The following FBP1 variants were observed in gnomAD, a reference collection of about 807,000 sequenced individuals.
The protein encoded by FBP1 is fructose-bisphosphatase 1.
FBP1 carries 22 observed loss-of-function variants against 29.9 expected under a neutral mutation model. The ratio of observed to expected loss-of-function variants is 0.74; its 90% CI spans 0.53 to 1.05. The LOEUF is 1.05. Among genes scored for constraint, FBP1 ranks in the 50% least tolerant of loss-of-function variants. The pLI is 0.00. For synonymous variants in FBP1, 175 were observed against 178.6 expected (o/e 0.98, Z 0.16); for missense variants, 345 against 448.2 (o/e 0.77, Z 2.08).
intron 1 of FBP1, 110 bp downstream of exon 1, chr9:94,639,031 G>C (rs1174257668): frequency 1.8e-6 from 2 of 1,099,512 alleles, no homozygotes; most frequent in African/African-American, 1.5e-5. Context: ...ACATCAGACG[G>C]ACAGACAGAG....
At chr9:94,636,316 CA>C (rs1828189562) in intron 1 of FBP1, among the ~76,000 whole-genome samples, 1 of 151,754 alleles carries the variant, frequency 6.6e-6, no homozygotes, top group Non-Finnish European at 1.5e-5. Flanking sequence ...CCCATCTCTA[CA>C]AAAACACAAA....
intron 1 of FBP1, among the ~76,000 whole-genome samples, chr9:94,638,334 A>C (rs1032891146): frequency 1.3e-5 from 2 of 152,194 alleles, no homozygotes; most frequent in African/African-American, 4.8e-5. Flanking sequence ...AGGAGGGCAC[A>C]CATCTTACCA....
At chr9:94,619,950 G>A (rs1450696892) in intron 2 of FBP1, among the ~76,000 whole-genome samples, 1 of 150,774 alleles carries the variant, frequency 6.6e-6, no homozygotes, top group African/African-American at 2.5e-5. Context: ...ATCAGGGATG[G>A]AAGTTTCAAG....
intron 1 of FBP1, among the ~76,000 whole-genome samples, chr9:94,631,097 G>A (rs1190736335): frequency 6.6e-6 from 1 of 152,186 alleles, no homozygotes; most frequent in Non-Finnish European, 1.5e-5. Flanking sequence ...ATTTATTTGA[G>A]ATGTTCTTGA....
intron 1 of FBP1, among the ~76,000 whole-genome samples, chr9:94,633,897 G>A (rs1225969716): frequency 6.6e-6 from 1 of 151,292 alleles, no homozygotes; most frequent in Non-Finnish European, 1.5e-5. Flanking sequence ...TGGTAGAGAC[G>A]GGGTTTCACC....
intron 1 of FBP1, among the ~76,000 whole-genome samples, chr9:94,621,795 A>G (rs2131491372): frequency 6.6e-6 from 1 of 152,316 alleles, no homozygotes; most frequent in South Asian, 2.1e-4. Context: ...AGACCCAGCA[A>G]GCAAGGAAGC....
Position 94,620,605 on chromosome 9 carries a change from C to T in FBP1, c.171-114G>A, listed in dbSNP as rs533395387. 127 of 1,027,098 alleles carry T rather than the reference C, an allele frequency of 1.2e-4. 1 individual carries two copies. Among genetic ancestry groups the T allele is most frequent in the Middle Eastern group, 6.1e-4 (3 of 4,952 alleles). The allele number at this position is 1,027,098 out of a possible 1,614,324, so 63.6% of individuals were successfully genotyped here. ...AAGATTTAGAAGAAAGAGTTCATGT[C>T]CTTTGCAGGGACATGGATGAAGCTG... On this transcript the variant is annotated intron_variant, in intron 1 of 6. Transcript: ENST00000375326.
At chr9:94,621,398 A>AAAAAATATAT (rs58726402) in intron 1 of FBP1, among the ~76,000 whole-genome samples, 48,560 of 145,448 alleles carry the variant, frequency 0.33, 9,019 homozygotes, top group East Asian at 0.75. Flanking sequence ...TCCGTCTAAA[A>AAAAAATATAT]ATATATATAT....
At chr9:94,625,647 T>C (rs1225247547) in intron 1 of FBP1, among the ~76,000 whole-genome samples, 1 of 152,126 alleles carries the variant, frequency 6.6e-6, no homozygotes, top group Non-Finnish European at 1.5e-5. Context: ...TACAAAAAAT[T>C]AGCCGGGGAC....
At position 94,637,817 on chromosome 9, in the gene FBP1, G is replaced by A. The variant is rs28402376; in HGVS notation, c.170+1324C>T. On this transcript the variant is annotated intron_variant, in intron 1 of 6. Coordinates refer to ENST00000375326, the MANE Select transcript of FBP1 (RefSeq NM_000507.4). Reference sequence around the variant, plus strand: ...AGTTAGCTAGAAAATACCTGCGCACGGCGGCTCATGCCTGTAATCCCAGCA... The same window carrying A: ...AGTTAGCTAGAAAATACCTGCGCACAGCGGCTCATGCCTGTAATCCCAGCA... 3.5e-3 allele frequency among the ~76,000 whole-genome samples: 539 copies of A among 152,078 alleles called. 1 individual carries two copies. Among genetic ancestry groups the A allele is most frequent in the Admixed American group, 7.5e-3 (115 of 15,284 alleles).
At chr9:94,638,083 T>A (rs1400511900) in intron 1 of FBP1, among the ~76,000 whole-genome samples, 7 of 47,364 alleles carry the variant, frequency 1.5e-4, no homozygotes, top group African/African-American at 5.9e-4. Flanking sequence ...CAAAATTCCA[T>A]CTCAAAAAAA....
chr9:94,604,186 A>T (rs890800387), intron 6 of FBP1, among the ~76,000 whole-genome samples: 7 of 152,160 alleles, frequency 4.6e-5, no homozygotes, highest in African/African-American at 1.7e-4. Flanking sequence ...AGCTTTCTGC[A>T]GGTGTTTCCT....
At position 94,639,174 on chromosome 9, in the gene FBP1, G is replaced by C. The variant is rs1006259687; in HGVS notation, c.137C>G (p.Ser46Cys). Reference protein sequence around the residue: ...NSLCTAVKAISSAVRKAGIAH... With the variant: ...NSLCTAVKAICSAVRKAGIAH... ...GATGCCCGCCTTGCGCACCGCCGAA[G>C]AGATGGCTTTGACTGCTGTGCAGAG... Residue 46 changes from serine to cysteine, a missense_variant, in exon 1 of 7, where the codon TCT becomes TGT. Ser to Cys is a moderately radical substitution (Grantham distance 112). Transcript: ENST00000375326. 1 of 1,605,862 alleles carries C rather than the reference G, an allele frequency of 6.2e-7. No individual in the cohort carries two copies. The highest frequency in any genetic ancestry group is 1.7e-5 in the Admixed American group (1 of 58,966).
Position 94,639,355 on chromosome 9 carries a change from T to C in FBP1, c.-45A>G. The C allele has an allele frequency of 6.3e-7, 1 of 1,577,038 alleles. No homozygotes were observed. Among genetic ancestry groups the C allele is most frequent in the East Asian group, 2.3e-5 (1 of 43,030 alleles). On this transcript the variant is annotated 5_prime_UTR_variant, in exon 1 of 7. Transcript: ENST00000375326. The stretch of plus-strand genomic sequence containing the variant: ...CGGGGCTGCAGGTGCAAGCGGCAGG[T>C]GCGGGGCTGCAGGTGCGGGCGGCAA...
At chr9:94,627,699 G>A (rs1017084117) in intron 1 of FBP1, among the ~76,000 whole-genome samples, 8 of 152,170 alleles carry the variant, frequency 5.3e-5, no homozygotes, top group African/African-American at 1.2e-4. Context: ...CGTGGGACTC[G>A]ACTGGAGCCT....
intron 1 of FBP1, among the ~76,000 whole-genome samples, chr9:94,627,550 G>A (rs1563987160): frequency 6.6e-6 from 1 of 152,212 alleles, no homozygotes; most frequent in East Asian, 1.9e-4. Context: ...GAGCCCTAGC[G>A]AATGCAGCGG....
intron 1 of FBP1, among the ~76,000 whole-genome samples, chr9:94,634,280 C>A (rs1828157588): frequency 6.9e-6 from 1 of 145,106 alleles, no homozygotes; most frequent in African/African-American, 2.6e-5. Context: ...GGCAACAGAG[C>A]GAGACTCTGC....
chr9:94,612,319 C>G (rs1827796724), intron 3 of FBP1, among the ~76,000 whole-genome samples: 1 of 152,168 alleles, frequency 6.6e-6, no homozygotes, highest in Non-Finnish European at 1.5e-5. Flanking sequence ...GGCCCCTTTT[C>G]CCAGAGATTC....
chr9:94,614,172 GGGGGGACGAGGAGGAGCA>G (rs1201844714), intron 3 of FBP1, among the ~76,000 whole-genome samples: 6 of 141,056 alleles, frequency 4.3e-5, no homozygotes, highest in Non-Finnish European at 7.8e-5. Flanking sequence ...GAGGAGGAAG[GGGGGGACGAGGAGGAGCA>G]GGGGGAGGAG....
Sources: allele counts gnomAD v4.1 joint callset (sites outside exome capture counted in the v4.1 genomes callset), GRCh38; gene constraint gnomAD v4.1.1; transcripts MANE v1.5; gene names NCBI Gene and HGNC (gene_info 2026-07-23, HGNC 2026-07-21).